Variants in LMBR1 observed in about 807,000 individuals in gnomAD.
LMBR1 encodes the protein limb region 1 protein homolog.
In LMBR1, 52 loss-of-function variants were observed where a neutral mutation model predicts 73.9. The ratio of observed to expected loss-of-function variants is 0.70; its 90% CI spans 0.56 to 0.89. LMBR1 has a LOEUF of 0.89. Among genes scored for constraint, LMBR1 ranks in the 40% least tolerant of loss-of-function variants. The pLI is 0.00. For synonymous variants in LMBR1, 215 were observed against 209.4 expected (o/e 1.03, Z -0.23); for missense variants, 539 against 579.8 (o/e 0.93, Z 0.72).
At chr7:156,707,287 A>G (rs968039343) in intron 15 of LMBR1, among the ~76,000 whole-genome samples, 3 of 152,204 alleles carry the variant, frequency 2.0e-5, no homozygotes, top group African/African-American at 7.2e-5. Context: ...ATGGATTCAC[A>G]GCTGAATTCT....
At chr7:156,838,386 C>A (rs1223279068) in intron 1 of LMBR1, among the ~76,000 whole-genome samples, 1 of 152,146 alleles carries the variant, frequency 6.6e-6, no homozygotes, top group Non-Finnish European at 1.5e-5. Context: ...CACCCCTAGT[C>A]CCTGGCAACC....
intron 15 of LMBR1, among the ~76,000 whole-genome samples, chr7:156,694,850 C>T (rs1472811294): frequency 2.0e-5 from 3 of 152,110 alleles, no homozygotes; most frequent in African/African-American, 2.4e-5. Flanking sequence ...ATAATAAACT[C>T]GACAACTTAG....
At chr7:156,675,168 G>GT (rs1212325053), downstream of LMBR1, among the ~76,000 whole-genome samples, 1 of 152,252 alleles carries the variant, frequency 6.6e-6, no homozygotes, top group Non-Finnish European at 1.5e-5. Flanking sequence ...CGAAGAGACA[G>GT]TAACGCCTGA....
In LMBR1 at chr7:156,762,208, T is replaced by C; in HGVS notation, c.620-10A>G. 6.3e-7 allele frequency: 1 copy of C among 1,599,248 alleles called. No homozygotes were observed. On this transcript the variant is annotated splice_polypyrimidine_tract_variant and intron_variant, in intron 7 of 16. Transcript: ENST00000353442. ...CCAACTGGTGTACACACTGCAGAAA[T>C]AAGATCACCAAAAGACAGAAAGCGA... is the stretch of plus-strand genomic sequence containing the variant.
chr7:156,676,306 C>T (rs753296194), downstream of LMBR1: 128 of 1,607,122 alleles, frequency 8.0e-5, no homozygotes, highest in Non-Finnish European at 1.0e-4. Flanking sequence ...ATGAAACTTC[C>T]GCATGTTTCG....
intron 1 of LMBR1, among the ~76,000 whole-genome samples, chr7:156,849,207 C>T (rs182462397): frequency 4.6e-5 from 7 of 152,146 alleles, no homozygotes; most frequent in East Asian, 1.9e-4. Context: ...TCCTTTGCAG[C>T]GACATGGATG....
intron 15 of LMBR1, among the ~76,000 whole-genome samples, chr7:156,723,047 T>C (rs947546996): frequency 1.3e-5 from 2 of 152,150 alleles, no homozygotes; most frequent in Non-Finnish European, 2.9e-5. Context: ...CATAAGCAGA[T>C]GTCAAAACAA....
At position 156,761,976 on chromosome 7, in the gene LMBR1, C is replaced by CAAAAAA. The variant is rs552712592; in HGVS notation, c.684+152_684+157dup. ...TGGGCGACAGAGCAAGACTCTGTCT[C>CAAAAAA]AAAAAAAAAAAAAAAACTTAATAAA... is the stretch of plus-strand genomic sequence containing the variant. On this transcript the variant is annotated intron_variant, in intron 8 of 16. Coordinates refer to ENST00000353442, the MANE Select transcript of LMBR1 (RefSeq NM_022458.4). Among the ~76,000 whole-genome samples, 124 of 104,172 alleles carry CAAAAAA rather than the reference C, an allele frequency of 1.2e-3. 1 individual carries two copies. The highest frequency in any genetic ancestry group is 2.0e-3 in the Admixed American group (20 of 10,222). The allele number at this position is 104,172 out of a possible 152,430, so 68.3% of individuals were successfully genotyped here. A position where few individuals can be genotyped will look rare whatever the true frequency, so the allele number is the denominator to read the frequency against.
In LMBR1 at chr7:156,743,244, G is replaced by C. The variant is rs567111339; in HGVS notation, c.758-8987C>G. On this transcript the variant is annotated intron_variant, in intron 9 of 16. Transcript: ENST00000353442. ...TATAAATCAAGCACAAATGACTTAC[G>C]ATTTAGCTTCCTTGGGTCTGTGAAA... Among the ~76,000 whole-genome samples the C allele has an allele frequency of 1.2e-4, 18 of 152,156 alleles. No homozygotes were observed. In the South Asian group the frequency reaches 3.5e-3, roughly 30 times the overall value.
intron 1 of LMBR1, among the ~76,000 whole-genome samples, chr7:156,844,412 T>C (rs1325585228): frequency 6.6e-6 from 1 of 152,114 alleles, no homozygotes; most frequent in Non-Finnish European, 1.5e-5. Context: ...ACTGTGTTTC[T>C]AGTTTCAAAA....
rs1343950098 is a variant in LMBR1, at chr7:156,680,403, A to AGAGTGTGTGTGTGTGTGT, written c.*3674_*3675insACACACACACACACACTC. On this transcript the variant is annotated 3_prime_UTR_variant, in exon 17 of 17. Transcript: ENST00000353442. Reference sequence around the variant, plus strand: ...GAGAGAGAGAGAGAGAGAGAGAGAGAGTGTGTGTGTGTGTGTGTGTGTAAT... The same window carrying AGAGTGTGTGTGTGTGTGT: ...GAGAGAGAGAGAGAGAGAGAGAGAGAGAGTGTGTGTGTGTGTGTGTGTGTGTGTGTGTGTGTGTGTAAT... The AGAGTGTGTGTGTGTGTGT allele has an allele frequency of 5.1e-4, 64 of 125,156 alleles. No individual in the cohort carries two copies. The highest frequency in any genetic ancestry group is 3.9e-3 in the Middle Eastern group (1 of 258). 7.8% of individuals were successfully genotyped at this position (125,156 alleles called of 1,614,324 possible). A position where few individuals can be genotyped will look rare whatever the true frequency, so the allele number is the denominator to read the frequency against.
chr7:156,720,677 TTAA>T (rs34511904), intron 15 of LMBR1, among the ~76,000 whole-genome samples: 1,862 of 151,590 alleles, frequency 0.012, 41 homozygotes, highest in African/African-American at 0.041. Flanking sequence ...AATAATAAAG[TTAA>T]TAATAATAAG....
At chr7:156,706,209 T>C (rs1020806198) in intron 15 of LMBR1, among the ~76,000 whole-genome samples, 4 of 147,590 alleles carry the variant, frequency 2.7e-5, no homozygotes, top group Non-Finnish European at 5.9e-5. Context: ...AAGGGACCTA[T>C]TCAGCAAGAG....
At chr7:156,715,158 G>A (rs7810476) in intron 15 of LMBR1, among the ~76,000 whole-genome samples, 2,920 of 151,976 alleles carry the variant, frequency 0.019, 103 homozygotes, top group African/African-American at 0.066. Flanking sequence ...CACGATGTTG[G>A]CCAGGCTGGT....
chr7:156,757,167 C>T (rs1822050576), intron 8 of LMBR1, among the ~76,000 whole-genome samples: 1 of 152,146 alleles, frequency 6.6e-6, no homozygotes, highest in South Asian at 2.1e-4. Flanking sequence ...CGGTAAATAA[C>T]TACAGTAAAT....
rs74327753 is a variant in LMBR1, at chr7:156,778,229, G to A, written c.424-14434C>T. 8.6e-3 allele frequency among the ~76,000 whole-genome samples: 1,314 copies of A among 152,242 alleles called. 16 individuals are homozygous for A. The highest frequency in any genetic ancestry group is 0.031 in the Middle Eastern group (9 of 292). On this transcript the variant is annotated intron_variant, in intron 5 of 16. Transcript: ENST00000353442. ...GTAAATAACTCACAAAAAGAAATCT[G>A]CTCATTTCTAGTTATCGATCTACAT...
At chr7:156,709,436 G>A (rs1268328234) in intron 15 of LMBR1, among the ~76,000 whole-genome samples, 2 of 152,132 alleles carry the variant, frequency 1.3e-5, no homozygotes, top group East Asian at 3.8e-4. Flanking sequence ...CTACAACCAG[G>A]AACTCTCACA....
At chr7:156,791,627 C>A (rs1018283510) in intron 5 of LMBR1, among the ~76,000 whole-genome samples, 1 of 152,216 alleles carries the variant, frequency 6.6e-6, no homozygotes, top group African/African-American at 2.4e-5. Flanking sequence ...CAAGCACCAG[C>A]ACAGAACTCT....
At chr7:156,821,424 C>A (rs773327349) in intron 4 of LMBR1, among the ~76,000 whole-genome samples, 1 of 152,202 alleles carries the variant, frequency 6.6e-6, no homozygotes, top group Non-Finnish European at 1.5e-5. Flanking sequence ...TCTGGAACAT[C>A]CCTAAAAGGA....
Sources: allele counts gnomAD v4.1 joint callset (sites outside exome capture counted in the v4.1 genomes callset), GRCh38; gene constraint gnomAD v4.1.1; transcripts MANE v1.5; gene names NCBI Gene and HGNC (gene_info 2026-07-23, HGNC 2026-07-21).